The following PLA2G6 variants were observed in gnomAD, a reference collection of about 807,000 sequenced individuals.
The protein encoded by PLA2G6 is 85/88 kDa calcium-independent phospholipase A2.
In PLA2G6, 62 loss-of-function variants were observed where a neutral mutation model predicts 83.8. The ratio of observed to expected loss-of-function variants is 0.74; its 90% confidence interval spans 0.60 to 0.91. The LOEUF is 0.91. PLA2G6 is among the 40% of genes least tolerant of loss of function. The pLI is 0.00. For missense variants in PLA2G6, 944 were observed against 1,102.0 expected (o/e 0.86, Z 2.03); for synonymous variants, 417 against 449.8 (o/e 0.93, Z 0.92).
chr22:38,169,437 G>T lies in PLA2G6; in HGVS notation c.-11C>A. On this transcript the variant is annotated 5_prime_UTR_variant, in exon 2 of 17. Transcript: ENST00000332509. ...GCCAAAGAACTGCATCTTCTGCGGG[G>T]CAGGTGGGGAGGCCCCACCGTCTTC... 1 of 1,612,648 alleles carries T rather than the reference G, an allele frequency of 6.2e-7. No individual in the cohort carries two copies.
intron 2 of PLA2G6, among the ~76,000 whole-genome samples, chr22:38,151,638 G>A (rs144866187): frequency 2.0e-5 from 3 of 152,286 alleles, no homozygotes; most frequent in African/African-American, 7.2e-5. Context: ...TATGTGGGGG[G>A]ATCTAAATAA....
Position 38,179,097 on chromosome 22 carries a change from T to C in PLA2G6, c.-46+2567A>G, listed in dbSNP as rs2090747114. Among the ~76,000 whole-genome samples the C allele has an allele frequency of 2.6e-5, 4 of 152,082 alleles. No homozygotes were observed. The South Asian group carries it at 8.3e-4, about 31-fold the overall frequency. ...GAGGAGAGAAGTCTTCACCAAGAAATTGATCTTAAATAAATACCTGATGGA... is the reference window on the plus strand; with the variant it reads ...GAGGAGAGAAGTCTTCACCAAGAAACTGATCTTAAATAAATACCTGATGGA... On this transcript the variant is annotated intron_variant, in intron 1 of 16. Coordinates refer to ENST00000332509, the MANE Select transcript of PLA2G6 (RefSeq NM_003560.4).
chr22:38,148,574 C>T (rs1390269143), intron 2 of PLA2G6: 5 of 717,078 alleles, frequency 7.0e-6, no homozygotes, highest in Non-Finnish European at 2.6e-6. Flanking sequence ...ACGAGCAGCA[C>T]CAGTAACAGC....
chr22:38,125,303 GGT>G (rs1569254899), intron 10 of PLA2G6, among the ~76,000 whole-genome samples: 1 of 151,978 alleles, frequency 6.6e-6, no homozygotes, highest in East Asian at 1.9e-4. Flanking sequence ...TGTGCATGTG[GGT>G]GTGTGTGCGT....
At chr22:38,127,229 G>T in intron 9 of PLA2G6, 1 of 1,203,580 alleles carries the variant, frequency 8.3e-7, no homozygotes. Context: ...CCTCCCCAGG[G>T]CACACGGCTC....
intron 2 of PLA2G6, among the ~76,000 whole-genome samples, chr22:38,165,904 T>G (rs132971): frequency 0.5 from 76,455 of 151,540 alleles, 19,761 homozygotes; most frequent in South Asian, 0.64. Context: ...AAAATAAAAA[T>G]AAAAGAAAAC....
chr22:38,174,247 A>C (rs182799446), intron 1 of PLA2G6, among the ~76,000 whole-genome samples: 118 of 151,938 alleles, frequency 7.8e-4, no homozygotes, highest in Non-Finnish European at 1.2e-3. Flanking sequence ...ATACAAAAAA[A>C]ATTAGCTGGG....
rs144041114 is a variant in PLA2G6 at position 38,129,695 on chromosome 22, C to T, written c.1078-133G>A. ...CTCAGCACGGGGAGACACTGGAACC[C>T]TCCTCACCCCCACCCAAGTCAATCT... On this transcript the variant is annotated intron_variant, in intron 7 of 16. Coordinates refer to ENST00000332509, the MANE Select transcript of PLA2G6 (RefSeq NM_003560.4). The T allele has an allele frequency of 2.1e-4, 153 of 718,162 alleles. No individual in the cohort carries two copies. In the East Asian group the frequency reaches 3.2e-3, roughly 15 times the overall value. The allele number at this position is 718,162 out of a possible 1,614,324, so 44.5% of individuals were successfully genotyped here.
intron 10 of PLA2G6, among the ~76,000 whole-genome samples, chr22:38,124,269 C>T (rs556428785): frequency 2.0e-5 from 3 of 152,310 alleles, no homozygotes; most frequent in African/African-American, 7.2e-5. Context: ...GCTGGGACTA[C>T]AGGCAGGAGC....
At chr22:38,121,237 G>A (rs776774967) in intron 11 of PLA2G6, among the ~76,000 whole-genome samples, 4 of 152,062 alleles carry the variant, frequency 2.6e-5, no homozygotes, top group Non-Finnish European at 4.4e-5. Context: ...TTCGCCAGGT[G>A]TGGTGGCGGG....
chr22:38,115,406 T>C (rs1464087924), intron 14 of PLA2G6, 121 bp downstream of exon 14: 3 of 838,868 alleles, frequency 3.6e-6, no homozygotes, highest in Admixed American at 2.0e-5. Flanking sequence ...TGTGCACATA[T>C]GAATGAGTGC....
chr22:38,115,903 A>C, intron 13 of PLA2G6, 172 bp downstream of exon 13: 1 of 1,471,304 alleles, frequency 6.8e-7, no homozygotes, highest in Non-Finnish European at 9.1e-7. Context: ...CTAACCTGCC[A>C]GGGGCCTGAC....
intron 3 of PLA2G6, chr22:38,144,969 A>C (rs1312472709): frequency 1.4e-5 from 5 of 359,484 alleles, no homozygotes; most frequent in Admixed American, 1.2e-4. Flanking sequence ...CCTGGTGAGC[A>C]CTCCGGACTC....
chr22:38,135,526 C>T, intron 5 of PLA2G6: 1 of 195,204 alleles, frequency 5.1e-6, no homozygotes, highest in Non-Finnish European at 1.1e-5. Flanking sequence ...ACACAGTGAC[C>T]TGCATGCTAT....
At chr22:38,160,501 C>G (rs890871960) in intron 2 of PLA2G6, among the ~76,000 whole-genome samples, 2 of 152,174 alleles carry the variant, frequency 1.3e-5, no homozygotes, top group Non-Finnish European at 2.9e-5. Flanking sequence ...CAGCTGCACA[C>G]AAAACGTATC....
chr22:38,117,164 C>T (rs2087256880), intron 12 of PLA2G6, among the ~76,000 whole-genome samples: 1 of 152,094 alleles, frequency 6.6e-6, no homozygotes, highest in Non-Finnish European at 1.5e-5. Context: ...TCCTCAAAAC[C>T]CAAAATAGGA....
intron 9 of PLA2G6, chr22:38,127,374 G>A: frequency 7.6e-7 from 1 of 1,310,334 alleles, no homozygotes; most frequent in Non-Finnish European, 1.0e-6. Context: ...CGCATGGCTA[G>A]GCTCGGTGGC....
intron 2 of PLA2G6, among the ~76,000 whole-genome samples, chr22:38,156,219 A>G (rs982424272): frequency 3.4e-4 from 52 of 152,240 alleles, no homozygotes; most frequent in Non-Finnish European, 6.5e-4. Context: ...CCTCAATACA[A>G]TAATAGCTGG....
intron 9 of PLA2G6, chr22:38,127,577 C>T (rs2145743784): frequency 3.1e-6 from 2 of 641,402 alleles, no homozygotes; most frequent in South Asian, 1.5e-5. Flanking sequence ...CAGGCTTGGT[C>T]GGGCTACCCT....
Sources: allele counts gnomAD v4.1 joint callset (sites outside exome capture counted in the v4.1 genomes callset), GRCh38; gene constraint gnomAD v4.1.1; transcripts MANE v1.5; gene names NCBI Gene and HGNC (gene_info 2026-07-23, HGNC 2026-07-21).